The following CCDC194 variants were observed in gnomAD, a reference collection of about 807,000 sequenced individuals.
CCDC194 encodes the protein coiled-coil domain containing 194, also known as coiled-coil domain-containing protein 194.
In CCDC194, 8 loss-of-function variants were observed where a neutral mutation model predicts 4.9. That is an observed-to-expected ratio of 1.65 (90% confidence interval 0.97 to 2.97). CCDC194 has a LOEUF of 2.97. Among genes scored for constraint, CCDC194 ranks in the 30% most tolerant of loss-of-function variants. The pLI is 0.00. For synonymous variants in CCDC194, 13 were observed against 17.0 expected, an observed-to-expected ratio of 0.76 and a Z score of 0.58; for missense variants, 52 against 43.1, an observed-to-expected ratio of 1.21 and a Z score of -0.58.
At chr19:17,391,843 G>C (rs1411156877) in exon 2 of CCDC194, 102 of 1,522,544 alleles carry the variant, frequency 6.7e-5, no homozygotes, top group Non-Finnish European at 8.9e-5. Context: ...GTCTGAAGCC[G>C]GCTCTGAGGA....
At chr19:17,388,401 C>CT (rs759603643), downstream of CCDC194, among the ~76,000 whole-genome samples, 2 of 150,808 alleles carry the variant, frequency 1.3e-5, no homozygotes, top group Admixed American at 6.7e-5. Context: ...TTTTGTCTTT[C>CT]TTTTTTCTTT....
chr19:17,391,378 T>TGCCCCCC, intron 2 of CCDC194, 35 bp from the exon 3 acceptor site: 1 of 501,570 alleles, frequency 2.0e-6, no homozygotes, highest in Non-Finnish European at 3.5e-6. Context: ...GGCTGGAGAC[T>TGCCCCCC]CCCGCGCCCA....
chr19:17,393,827 C>A lies in CCDC194; in HGVS notation c.324+8G>T. 2 of 396,688 alleles carry A rather than the reference C, an allele frequency of 5.0e-6. No homozygotes were observed. The highest frequency in any genetic ancestry group is 8.9e-6 in the Non-Finnish European group (2 of 224,842). 24.6% of individuals were successfully genotyped at this position (396,688 alleles called of 1,614,324 possible). On this transcript the variant is annotated splice_region_variant and intron_variant, in intron 1 of 3. Coordinates refer to ENST00000636079, the Ensembl canonical transcript of CCDC194. The stretch of plus-strand genomic sequence containing the variant: ...TTCCCGAGCTCCCCCTCTACCCGGC[C>A]CACCTACCTGGCGGCCTTCACAGGC...
chr19:17,394,024 T>A, exon 1 of CCDC194: 1 of 389,892 alleles, frequency 2.6e-6, no homozygotes, highest in Non-Finnish European at 4.5e-6. Context: ...GGCAGCGAGG[T>A]CCCCGAGCAG....
At chr19:17,387,936 G>T (rs1043289104), downstream of CCDC194, among the ~76,000 whole-genome samples, 1 of 151,520 alleles carries the variant, frequency 6.6e-6, no homozygotes. Context: ...ACCCAGGCTG[G>T]AGTGCAGTGG....
chr19:17,393,161 G>A (rs2074661081), intron 1 of CCDC194, among the ~76,000 whole-genome samples: 1 of 152,120 alleles, frequency 6.6e-6, no homozygotes, highest in South Asian at 2.1e-4. Context: ...AAAGTCTGAA[G>A]GGTTAGTCAG....
At chr19:17,391,788 T>C (rs1347830457) in exon 2 of CCDC194, 2 of 1,535,642 alleles carry the variant, frequency 1.3e-6, no homozygotes, top group South Asian at 1.2e-5. Flanking sequence ...CTGGGTCCCC[T>C]GTGCCTTGGC....
chr19:17,393,835 C>T, exon 1 of CCDC194: 1 of 397,178 alleles, frequency 2.5e-6, no homozygotes, highest in South Asian at 1.3e-4. Context: ...GCCCACCTAC[C>T]TGGCGGCCTT....
Position 17,390,514 on chromosome 19 carries a change from C to T in CCDC194, c.700G>A (p.Gly234Arg), listed in dbSNP as rs1269795184. The T allele has an allele frequency of 5.1e-6, 2 of 393,620 alleles. No homozygotes were observed. The highest frequency in any genetic ancestry group is 4.1e-5 in the African/African-American group (2 of 48,336). The allele number at this position is 393,620 out of a possible 1,614,324, so 24.4% of individuals were successfully genotyped here. The change falls in exon 4 of 4, where the codon GGG (glycine) becomes AGG (arginine). Residue 234 changes from glycine (G) to arginine (R), a missense_variant. By Grantham distance (125) the Gly-to-Arg change is moderately radical (BLOSUM62 -2). Coordinates refer to ENST00000636079, the Ensembl canonical transcript of CCDC194. This position sits in a 1 kb window ranked among gnomAD's most constrained non-coding sequence, Gnocchi z 5.5. ...CCTTCCGGCAGGGGGCCGACTCACCCTCGTGCGCGCCGCGCCGGCCGCCGG... is the reference window on the plus strand; with the variant it reads ...CCTTCCGGCAGGGGGCCGACTCACCTTCGTGCGCGCCGCGCCGGCCGCCGG...
exon 2 of CCDC194, chr19:17,391,768 C>T (rs2074655530): frequency 2.0e-6 from 3 of 1,535,740 alleles, no homozygotes; most frequent in Non-Finnish European, 2.6e-6. Context: ...GCCCCGTTCT[C>T]GGCCCCCATC....
chr19:17,391,472 AC>A, intron 2 of CCDC194, 129 bp from the exon 3 acceptor site: 1 of 638,176 alleles, frequency 1.6e-6, no homozygotes. Flanking sequence ...ATTAGTGTGT[AC>A]CATTGCATGG....
intron 3 of CCDC194, 119 bp downstream of exon 3, chr19:17,391,092 C>CA (rs2074652616): frequency 2.6e-6 from 1 of 380,978 alleles, no homozygotes; most frequent in East Asian, 3.9e-5. Flanking sequence ...CAATGCCCCC[C>CA]CCCCACCACA....
exon 3 of CCDC194, chr19:17,391,284 G>C (rs940771453): frequency 2.4e-6 from 1 of 416,768 alleles, no homozygotes; most frequent in African/African-American, 2.1e-5. Flanking sequence ...GCGCGCCGCA[G>C]AGCCTCGTCC....
Position 17,390,754 on chromosome 19 carries a change from TC to T in CCDC194, c.555-96del, listed in dbSNP as rs1299616806. On this transcript the variant is annotated intron_variant, in intron 3 of 3. Transcript: ENST00000636079. The surrounding 1 kb of genome is among the most constrained non-coding windows in gnomAD (Gnocchi z 5.5). ...GCCAGAGCGTCCCTTTGCTGGGAAC[TC>T]CATCCCCAGAGATCCCCATCTCCCA... 3 of 392,384 alleles carry T rather than the reference TC, an allele frequency of 7.6e-6. No homozygotes were observed. Among genetic ancestry groups the T allele is most frequent in the African/African-American group, 6.2e-5 (3 of 48,272 alleles). 24.3% of individuals were successfully genotyped at this position (392,384 alleles called of 1,614,324 possible).
At chr19:17,388,860 G>A (rs1041781714), downstream of CCDC194, among the ~76,000 whole-genome samples, 2 of 151,466 alleles carry the variant, frequency 1.3e-5, no homozygotes, top group Non-Finnish European at 1.5e-5. Flanking sequence ...TTTTGAGACC[G>A]GGTCTTGCTC....
chr19:17,391,377 C>A, intron 2 of CCDC194, 34 bp from the exon 3 acceptor site: 1 of 501,764 alleles, frequency 2.0e-6, no homozygotes, highest in Non-Finnish European at 3.5e-6. Context: ...AGGCTGGAGA[C>A]TCCCGCGCCC....
At position 17,390,595 on chromosome 19, in the gene CCDC194, A is replaced by T; in HGVS notation, c.619T>A (p.Ser207Thr). 2.5e-6 allele frequency: 1 copy of T among 397,492 alleles called. No individual in the cohort carries two copies. Among genetic ancestry groups the T allele is most frequent in the Non-Finnish European group, 4.4e-6 (1 of 225,444 alleles). 24.6% of individuals were successfully genotyped at this position (397,492 alleles called of 1,614,324 possible). Residue 207 changes from serine to threonine, a missense_variant, in exon 4 of 4, where the codon TCC (serine) becomes ACC (threonine). Coordinates refer to ENST00000636079, the Ensembl canonical transcript of CCDC194. This position sits in a 1 kb window ranked among gnomAD's most constrained non-coding sequence, Gnocchi z 5.5. Reference sequence around the variant, plus strand: ...GAGCGAGGGCTGGGCCGGGGTCGGGACCCCGAGCGGGGACGCGGCCGGGGC... The same window carrying T: ...GAGCGAGGGCTGGGCCGGGGTCGGGTCCCCGAGCGGGGACGCGGCCGGGGC...
chr19:17,391,847 C>G lies in CCDC194; in HGVS notation c.325-1G>C. 6.6e-7 allele frequency: 1 copy of G among 1,521,102 alleles called. No homozygotes were observed. The highest frequency in any genetic ancestry group is 8.8e-7 in the Non-Finnish European group (1 of 1,139,284). The allele number at this position is 1,521,102 out of a possible 1,614,324, so 94.2% of individuals were successfully genotyped here. Reference sequence around the variant, plus strand: ...TCGTTAGTTGGGTCTGAAGCCGGCTCTGAGGAGTGGAGGGGAAGTGGGAGG... The same window carrying G: ...TCGTTAGTTGGGTCTGAAGCCGGCTGTGAGGAGTGGAGGGGAAGTGGGAGG... On this transcript the variant is annotated splice_acceptor_variant, in intron 1 of 3. Coordinates refer to ENST00000636079, the Ensembl canonical transcript of CCDC194. LOFTEE classifies it high-confidence loss of function.
intron 1 of CCDC194, chr19:17,392,103 T>C (rs10416331): frequency 0.017 from 6,493 of 384,016 alleles, 175 homozygotes; most frequent in African/African-American, 0.071. Context: ...CACCAGAAAG[T>C]GGAGAGTGCT....
Sources: gnomAD v4.1 joint callset for allele counts (sites outside exome capture counted in the v4.1 genomes callset) on GRCh38, gnomAD v4.1.1 for gene constraint, Gnocchi (gnomAD v3.1) non-coding constraint, MANE v1.5 for transcripts, NCBI Gene and HGNC (gene_info 2026-07-23, HGNC 2026-07-21) for gene names.